Variants in COX10 observed in about 807,000 individuals in gnomAD.
The protein encoded by COX10 is protoheme IX farnesyltransferase, mitochondrial.
COX10 carries 27 observed loss-of-function variants against 37.3 expected under a neutral mutation model. The observed-to-expected ratio is 0.72, with a 90% confidence interval of 0.53 to 1.00. COX10 has a LOEUF of 1.00. Ranked by LOEUF, COX10 falls within the 50% of genes least tolerant of loss-of-function variation. COX10 has a pLI of 0.00. For missense variants in COX10, 475 were observed against 563.2 expected (o/e 0.84, Z 1.59); for synonymous variants, 222 against 229.1 (o/e 0.97, Z 0.28).
intron 4 of COX10, among the ~76,000 whole-genome samples, chr17:14,125,081 T>C (rs149463255): frequency 9.6e-4 from 146 of 152,332 alleles, no homozygotes; most frequent in African/African-American, 3.2e-3. Flanking sequence ...AACAGTGAAA[T>C]GTGAACTTCA....
chr17:14,193,154 G>A (rs887375648), intron 6 of COX10, among the ~76,000 whole-genome samples: 7 of 152,154 alleles, frequency 4.6e-5, no homozygotes, highest in African/African-American at 9.7e-5. Flanking sequence ...TAAAACCAGA[G>A]CCCCATCCAT....
At chr17:14,175,473 A>G (rs1202735104) in intron 5 of COX10, among the ~76,000 whole-genome samples, 1 of 151,608 alleles carries the variant, frequency 6.6e-6, no homozygotes, top group Non-Finnish European at 1.5e-5. Flanking sequence ...CTTCCACCTC[A>G]TAGAGTTATG....
At chr17:14,157,999 A>G (rs879337979) in intron 4 of COX10, among the ~76,000 whole-genome samples, 3 of 152,144 alleles carry the variant, frequency 2.0e-5, no homozygotes, top group African/African-American at 7.2e-5. Flanking sequence ...TTAAAGGTCT[A>G]TGAATCACAG....
intron 6 of COX10, among the ~76,000 whole-genome samples, chr17:14,194,570 GCGCCCGCCACCA>G (rs1015500498): frequency 2.6e-5 from 4 of 152,082 alleles, no homozygotes; most frequent in African/African-American, 9.7e-5. Context: ...GGGACTACAG[GCGCCCGCCACCA>G]CGCCCAGCTA....
chr17:14,165,026 T>G (rs1269114077), intron 5 of COX10, among the ~76,000 whole-genome samples: 1 of 152,222 alleles, frequency 6.6e-6, no homozygotes, highest in Non-Finnish European at 1.5e-5. Flanking sequence ...CCAGTTTGGA[T>G]GTTAACTACA....
chr17:14,111,486 T>C (rs1366097956), intron 4 of COX10, among the ~76,000 whole-genome samples: 1 of 152,168 alleles, frequency 6.6e-6, no homozygotes, highest in East Asian at 1.9e-4. Flanking sequence ...TAAAATATAC[T>C]GTGTAACCTT....
rs1235271488 is a variant in COX10 at position 14,155,721 on chromosome 17, A to T, written c.625-4156A>T. On this transcript the variant is annotated intron_variant, in intron 4 of 6. Coordinates refer to ENST00000261643, the MANE Select transcript of COX10 (RefSeq NM_001303.4). ...TAGAGTGAGACTCCATCTCAAAAAA[A>T]AAAAGAAAAAAAAAGAAAACAAAAG... 4.7e-5 allele frequency among the ~76,000 whole-genome samples: 6 copies of T among 127,868 alleles called. No homozygotes were observed. The East Asian group carries it at 1.2e-3, about 25-fold the overall frequency. The allele number at this position is 127,868 out of a possible 152,430, so 83.9% of individuals were successfully genotyped here.
Position 14,117,436 on chromosome 17 carries a change from C to T in COX10, c.624+15194C>T, listed in dbSNP as rs2142210336. Among the ~76,000 whole-genome samples the T allele has an allele frequency of 1.3e-5, 2 of 152,270 alleles. 1 individual carries two copies. The highest frequency in any genetic ancestry group is 4.2e-4 in the South Asian group (2 of 4,816). On this transcript the variant is annotated intron_variant, in intron 4 of 6. Coordinates refer to ENST00000261643, the MANE Select transcript of COX10 (RefSeq NM_001303.4). ...TTGTTCTGGGCTTATTTTTAAATGC[C>T]ACTCTTATAATGTGCCACATTATGC...
intron 5 of COX10, among the ~76,000 whole-genome samples, chr17:14,176,551 C>T (rs1458962029): frequency 6.6e-6 from 1 of 152,176 alleles, no homozygotes; most frequent in Non-Finnish European, 1.5e-5. Context: ...TTTGTTCCCT[C>T]TTAATTTAAC....
chr17:14,075,579 A>G (rs1349189330), intron 2 of COX10, among the ~76,000 whole-genome samples: 1 of 152,192 alleles, frequency 6.6e-6, no homozygotes, highest in African/African-American at 2.4e-5. Flanking sequence ...AATGAGATAT[A>G]TATTATATAA....
intron 4 of COX10, among the ~76,000 whole-genome samples, chr17:14,116,807 A>G (rs543743220): frequency 1.3e-5 from 2 of 152,218 alleles, no homozygotes; most frequent in East Asian, 1.9e-4. Context: ...CACTATTACT[A>G]CTTCTACCTT....
intron 5 of COX10, among the ~76,000 whole-genome samples, chr17:14,170,062 A>C (rs1905414248): frequency 6.6e-6 from 1 of 152,316 alleles, no homozygotes; most frequent in African/African-American, 2.4e-5. Flanking sequence ...CTTCTTTGCT[A>C]TATTTTGATG....
At position 14,207,349 on chromosome 17, in the gene COX10, C is replaced by A; in HGVS notation, c.*136C>A. 8.0e-6 allele frequency: 9 copies of A among 1,131,630 alleles called. No homozygotes were observed. Among genetic ancestry groups the A allele is most frequent in the South Asian group, 1.9e-5 (1 of 53,382 alleles). The allele number at this position is 1,131,630 out of a possible 1,614,324, so 70.1% of individuals were successfully genotyped here. ...AATTCGGTGCTCAGTGATCACTTGA[C>A]AGTTTTTTTTTTTTTTAAATATTAC... On this transcript the variant is annotated 3_prime_UTR_variant, in exon 7 of 7. Coordinates refer to ENST00000261643, the MANE Select transcript of COX10 (RefSeq NM_001303.4).
chr17:14,070,143 G>T (rs1375981016), intron 1 of COX10, among the ~76,000 whole-genome samples: 1 of 152,074 alleles, frequency 6.6e-6, no homozygotes, highest in African/African-American at 2.4e-5. Flanking sequence ...TCTCTGTACC[G>T]CCAGAGTGGT....
At chr17:14,142,548 T>A (rs974500663) in intron 4 of COX10, among the ~76,000 whole-genome samples, 4 of 152,164 alleles carry the variant, frequency 2.6e-5, no homozygotes, top group African/African-American at 9.7e-5. Flanking sequence ...AGAAATAAAT[T>A]CCCTTTATGC....
chr17:14,191,839 A>G, intron 5 of COX10, 150 bp from the exon 6 acceptor site: 2 of 775,742 alleles, frequency 2.6e-6, no homozygotes, highest in Non-Finnish European at 4.3e-6. Context: ...TTTGTTTCAT[A>G]AAGAGGATTC....
At chr17:14,206,088 G>A (rs1194028192) in intron 6 of COX10, among the ~76,000 whole-genome samples, 1 of 152,160 alleles carries the variant, frequency 6.6e-6, no homozygotes, top group African/African-American at 2.4e-5. Context: ...CAGGCTCTGG[G>A]GGATGGTGAG....
intron 3 of COX10, among the ~76,000 whole-genome samples, chr17:14,079,343 G>T (rs572645031): frequency 2.6e-5 from 4 of 152,086 alleles, no homozygotes; most frequent in Non-Finnish European, 4.4e-5. Context: ...ATATTTACTC[G>T]GCAGGGAAGA....
chr17:14,140,805 T>A (rs1904517379), intron 4 of COX10, among the ~76,000 whole-genome samples: 1 of 152,154 alleles, frequency 6.6e-6, no homozygotes, highest in South Asian at 2.1e-4. Flanking sequence ...AATTGCAACG[T>A]TATGTCTGAT....
Sources: allele counts gnomAD v4.1 joint callset (sites outside exome capture counted in the v4.1 genomes callset), GRCh38; gene constraint gnomAD v4.1.1; transcripts MANE v1.5; gene names NCBI Gene and HGNC (gene_info 2026-07-23, HGNC 2026-07-21).